The following SEC14L5 variants were observed in gnomAD, a reference collection of about 807,000 sequenced individuals.
SEC14L5 encodes SEC14-like protein 5.
A neutral mutation model predicts 84.6 loss-of-function variants in SEC14L5; 96 were observed. That is an observed-to-expected ratio of 1.13 (90% CI 0.96 to 1.34). The LOEUF (loss-of-function observed/expected upper bound fraction) is 1.34. Among genes scored for constraint, SEC14L5 ranks in the 40% most tolerant of loss-of-function variants. SEC14L5 has a pLI of 0.00. For synonymous variants in SEC14L5, 546 were observed against 383.4 expected, an observed-to-expected ratio of 1.42 and a Z score of -4.95; for missense variants, 1,224 against 942.5, an observed-to-expected ratio of 1.30 and a Z score of -3.91.
chr16:4,978,244 C>T (rs76421423), intron 2 of SEC14L5, among the ~76,000 whole-genome samples: 10 of 18 alleles, frequency 0.56, 3 homozygotes, highest in Admixed American at 1. Flanking sequence ...GAAACCCCGT[C>T]TCTATTAAAA....
At chr16:5,006,752 G>C (rs997262798) in intron 12 of SEC14L5, among the ~76,000 whole-genome samples, 11 of 152,214 alleles carry the variant, frequency 7.2e-5, no homozygotes, top group Non-Finnish European at 1.3e-4. Flanking sequence ...CTTATTTTTA[G>C]CAAACGGTTC....
chr16:4,959,209 G>C (rs769265820), intron 1 of SEC14L5, 64 bp from the exon 2 acceptor site: 1 of 774,926 alleles, frequency 1.3e-6, no homozygotes, highest in Non-Finnish European at 2.3e-6. Context: ...CCTTACACTT[G>C]GTGGGTGGTG....
chr16:4,968,099 G>T (rs933949884), intron 2 of SEC14L5, among the ~76,000 whole-genome samples: 1 of 148,936 alleles, frequency 6.7e-6, no homozygotes, highest in African/African-American at 2.5e-5. Context: ...GCTCACTGCA[G>T]CCTTGACCTC....
In SEC14L5 at chr16:5,011,133, C is replaced by G; in HGVS notation, c.1839C>G (p.Leu613=). 1.2e-6 allele frequency: 2 copies of G among 1,611,140 alleles called. No homozygotes were observed. The highest frequency in any genetic ancestry group is 1.7e-6 in the Non-Finnish European group (2 of 1,178,852). ...CCCGGTGGCCCGGCGTCTACCTGCT[C>G]CAGTGGCAAATGCACAGCCCCCCCA... ...HVTRWPGVYL[L]QWQMHSPPSS... Residue 613 remains leucine (L), a synonymous_variant, in exon 15 of 16, where the codon CTC becomes CTG. Transcript: ENST00000251170.
At chr16:4,995,695 T>G (rs1955601442) in intron 6 of SEC14L5, among the ~76,000 whole-genome samples, 1 of 151,360 alleles carries the variant, frequency 6.6e-6, no homozygotes, top group Non-Finnish European at 1.5e-5. Flanking sequence ...GGTGCAATCT[T>G]GGCTCACTGC....
intron 8 of SEC14L5, 92 bp from the exon 9 acceptor site, chr16:5,000,563 A>C (rs1955663476): frequency 1.1e-6 from 1 of 934,018 alleles, no homozygotes; most frequent in Non-Finnish European, 1.7e-6. Context: ...CAGCCTGAGG[A>C]GGTGAAGCTC....
chr16:4,996,313 C>A (rs770026906), intron 6 of SEC14L5, 35 bp from the exon 7 acceptor site: 17 of 1,239,674 alleles, frequency 1.4e-5, no homozygotes, highest in Non-Finnish European at 2.0e-5. Context: ...CGCAGCGTCT[C>A]CCTCTTGTCC....
chr16:4,968,142 T>C lies in SEC14L5; in HGVS notation c.63+8756T>C, dbSNP rs910518522. On this transcript the variant is annotated intron_variant, in intron 2 of 15. Coordinates refer to ENST00000251170, the MANE Select transcript of SEC14L5 (RefSeq NM_014692.2). ...TCAAGTGATTCTCCCACCTCAGCCT[T>C]CTAAATAGCTGAGACCACAGGTGTT... 4.0e-5 allele frequency among the ~76,000 whole-genome samples: 6 copies of C among 151,196 alleles called. No homozygotes were observed. The South Asian group carries it at 8.4e-4, about 21-fold the overall frequency.
At chr16:5,001,337 C>T (rs1231177555) in intron 10 of SEC14L5, among the ~76,000 whole-genome samples, 6 of 151,134 alleles carry the variant, frequency 4.0e-5, no homozygotes, top group African/African-American at 1.5e-4. Context: ...CAGTTCACTG[C>T]AAGCTCTGCC....
intron 2 of SEC14L5, among the ~76,000 whole-genome samples, chr16:4,980,281 C>G (rs1210302315): frequency 4.6e-5 from 7 of 152,228 alleles, no homozygotes; most frequent in Non-Finnish European, 1.0e-4. Flanking sequence ...CAGACGGAGC[C>G]TCAGCTCGAA....
At chr16:4,971,861 T>C (rs1955284615) in intron 2 of SEC14L5, among the ~76,000 whole-genome samples, 1 of 152,182 alleles carries the variant, frequency 6.6e-6, no homozygotes, top group Non-Finnish European at 1.5e-5. Context: ...ACGTCTACAA[T>C]GTCCCAGGTG....
chr16:4,973,811 T>C (rs975129754), intron 2 of SEC14L5, among the ~76,000 whole-genome samples: 1 of 151,522 alleles, frequency 6.6e-6, no homozygotes, highest in Non-Finnish European at 1.5e-5. Flanking sequence ...GCCTCCTGAG[T>C]AGCTGGGACT....
At chr16:4,966,001 T>C (rs1436007952) in intron 2 of SEC14L5, among the ~76,000 whole-genome samples, 2 of 152,020 alleles carry the variant, frequency 1.3e-5, no homozygotes, top group African/African-American at 4.8e-5. Flanking sequence ...GTGATGTTGC[T>C]ACTGCAGTCC....
rs375670811 is a variant in SEC14L5 at position 4,996,948 on chromosome 16, C to T, written c.874C>T (p.Arg292Cys). The T allele has an allele frequency of 1.6e-5, 26 of 1,613,274 alleles. No individual in the cohort carries two copies. The highest frequency in any genetic ancestry group is 8.0e-5 in the African/African-American group (6 of 74,918). ...AATGCTGCGCCAGTCCTTGAGCTGG[C>T]GCAAGCAGCACCAGGTGGATCTCCT... ...REMLRQSLSW[R>C]KQHQVDLLLQ... The change falls in exon 8 of 16, where the codon CGC (arginine) becomes TGC (cysteine). Residue 292 changes from arginine to cysteine, a missense_variant. By Grantham distance (180) the Arg-to-Cys change is radical. Coordinates refer to ENST00000251170, the MANE Select transcript of SEC14L5 (RefSeq NM_014692.2).
At position 5,011,128 on chromosome 16, in the gene SEC14L5, C is replaced by T; in HGVS notation, c.1834C>T (p.Leu612=). Residue 612 remains leucine, a synonymous_variant, in exon 15 of 16, where the codon CTG becomes TTG. Transcript: ENST00000251170. ...SHVTRWPGVY[L]LQWQMHSPPS... ...TGTGACCCGGTGGCCCGGCGTCTAC[C>T]TGCTCCAGTGGCAAATGCACAGCCC... 5.6e-6 allele frequency: 9 copies of T among 1,610,406 alleles called. No homozygotes were observed. The highest frequency in any genetic ancestry group is 7.6e-6 in the Non-Finnish European group (9 of 1,178,550).
chr16:5,000,937 G>C lies in SEC14L5; in HGVS notation c.1130+12G>C. The C allele has an allele frequency of 1.3e-6, 2 of 1,596,168 alleles. No individual in the cohort carries two copies. The highest frequency in any genetic ancestry group is 1.7e-6 in the Non-Finnish European group (2 of 1,170,438). On this transcript the variant is annotated intron_variant, in intron 10 of 15. Coordinates refer to ENST00000251170, the MANE Select transcript of SEC14L5 (RefSeq NM_014692.2). ...GGCCGTCCCATCAGGCAAACACCTG[G>C]GCTGGGCACAAATCCCCCCTAAACA...
intron 11 of SEC14L5, among the ~76,000 whole-genome samples, chr16:5,004,495 G>C (rs1448887729): frequency 6.6e-6 from 1 of 152,080 alleles, no homozygotes; most frequent in East Asian, 1.9e-4. Flanking sequence ...GGGAAGGAGA[G>C]ACCCCAAGCA....
intron 10 of SEC14L5, 81 bp from the exon 11 acceptor site, chr16:5,003,321 C>A: frequency 9.0e-7 from 1 of 1,105,496 alleles, no homozygotes; most frequent in Non-Finnish European, 1.3e-6. Flanking sequence ...CGGAGCCTCC[C>A]TGTTCATCCC....
chr16:4,998,265 C>T (rs1397845207), intron 8 of SEC14L5, among the ~76,000 whole-genome samples: 1 of 151,422 alleles, frequency 6.6e-6, no homozygotes, highest in African/African-American at 2.4e-5. Flanking sequence ...CCTTGGCCTC[C>T]TGAAGTGCTG....
Sources: allele counts gnomAD v4.1 joint callset (sites outside exome capture counted in the v4.1 genomes callset), GRCh38; gene constraint gnomAD v4.1.1; transcripts MANE v1.5; gene names NCBI Gene and HGNC (gene_info 2026-07-23, HGNC 2026-07-21).